Variants in RHCE observed in about 807,000 individuals in gnomAD.
RHCE encodes the protein blood group Rh(CE) polypeptide.
In RHCE, 22 loss-of-function variants were observed where a neutral mutation model predicts 43.8. That is an observed-to-expected ratio of 0.50 (90% CI 0.36 to 0.72). The LOEUF is 0.72. Among genes scored for constraint, RHCE ranks in the 30% least tolerant of loss-of-function variants. RHCE has a pLI of 0.00. For synonymous variants in RHCE, 156 were observed against 210.7 expected, an observed-to-expected ratio of 0.74 and a Z score of 2.25; for missense variants, 385 against 525.4, an observed-to-expected ratio of 0.73 and a Z score of 2.61.
Position 25,397,111 on chromosome 1 carries a change from CAAAAAAA to C in RHCE, c.487-4977_487-4971del, listed in dbSNP as rs151106139. On this transcript the variant is annotated intron_variant, in intron 3 of 9. Transcript: ENST00000294413. Reference sequence around the variant, plus strand: ...TGGGTGATGGAGCAAGACTCTGTCTCAAAAAAAAAAAAAAAAAAAAAAGAAATGTACA... The same window carrying C: ...TGGGTGATGGAGCAAGACTCTGTCTCAAAAAAAAAAAAAAAGAAATGTACA... Among the ~76,000 whole-genome samples the C allele has an allele frequency of 1.6e-3, 93 of 58,026 alleles. 6 individuals are homozygous for C. Among genetic ancestry groups the C allele is most frequent in the African/African-American group, 7.4e-3 (89 of 11,986 alleles). The allele number at this position is 58,026 out of a possible 152,430, so 38.1% of individuals were successfully genotyped here. A position where few individuals can be genotyped will look rare whatever the true frequency, so the allele number is the denominator to read the frequency against.
chr1:25,386,837 AACAAAACACAC>A (rs1214455521), intron 6 of RHCE, among the ~76,000 whole-genome samples: 2 of 135,182 alleles, frequency 1.5e-5, no homozygotes, highest in Non-Finnish European at 3.2e-5. Context: ...CAACAACAAC[AACAAAACACAC>A]ACACACACAC....
exon 2 of RHCE, chr1:25,429,034 C>A (rs552219484): frequency 6.6e-5 from 10 of 152,322 alleles, no homozygotes; most frequent in African/African-American, 1.9e-4. Context: ...GTTTTCTCTT[C>A]CAGGCACTGG....
At chr1:25,381,817 C>CA (rs1235518446) in intron 7 of RHCE, among the ~76,000 whole-genome samples, 2 of 150,570 alleles carry the variant, frequency 1.3e-5, no homozygotes, top group Non-Finnish European at 2.9e-5. Flanking sequence ...ACTCTTCCAA[C>CA]CTATTCCCAT....
intron 3 of RHCE, among the ~76,000 whole-genome samples, chr1:25,401,024 G>A (rs1375781634): frequency 6.6e-6 from 1 of 152,040 alleles, no homozygotes; most frequent in African/African-American, 2.4e-5. Flanking sequence ...TTCCTCTCTT[G>A]CCCCTTCAGT....
At chr1:25,393,458 T>C (rs1313681563) in intron 3 of RHCE, among the ~76,000 whole-genome samples, 2 of 152,018 alleles carry the variant, frequency 1.3e-5, no homozygotes, top group Non-Finnish European at 2.9e-5. Context: ...CTGTCTCTAC[T>C]AAAAATACAA....
At chr1:25,376,639 G>T (rs1049373906) in intron 7 of RHCE, among the ~76,000 whole-genome samples, 1 of 152,208 alleles carries the variant, frequency 6.6e-6, no homozygotes, top group African/African-American at 2.4e-5. Flanking sequence ...TTAAGGCCGG[G>T]TGTGGTGGCT....
chr1:25,429,233 T>TTTTG (rs2042830435), intron 1 of RHCE, among the ~76,000 whole-genome samples: 1 of 149,902 alleles, frequency 6.7e-6, no homozygotes, highest in African/African-American at 2.5e-5. Flanking sequence ...TTTTTTTTTT[T>TTTTG]TTTTTTTTTT....
At chr1:25,382,640 A>C (rs1402383007) in intron 7 of RHCE, among the ~76,000 whole-genome samples, 1 of 151,998 alleles carries the variant, frequency 6.6e-6, no homozygotes, top group Non-Finnish European at 1.5e-5. Context: ...ACATGTCCTC[A>C]CAGCAGCCCT....
rs1274333044 is a variant in RHCE at position 25,406,005 on chromosome 1, A to G, written c.335+2678T>C. On this transcript the variant is annotated intron_variant, in intron 2 of 9. Transcript: ENST00000294413. Reference sequence around the variant, plus strand: ...AGGGGTGGAGCAAGGGAGTTCACTCAGGCTGCGAGTGACTTCTCTCCCTTC... The same window carrying G: ...AGGGGTGGAGCAAGGGAGTTCACTCGGGCTGCGAGTGACTTCTCTCCCTTC... 1.1e-4 allele frequency among the ~76,000 whole-genome samples: 13 copies of G among 123,320 alleles called. 1 individual carries two copies. The highest frequency in any genetic ancestry group is 3.3e-4 in the African/African-American group (13 of 39,762). The allele number at this position is 123,320 out of a possible 152,430, so 80.9% of individuals were successfully genotyped here. A position where few individuals can be genotyped will look rare whatever the true frequency, so the allele number is the denominator to read the frequency against.
chr1:25,424,424 G>A (rs2042789998), upstream of RHCE, among the ~76,000 whole-genome samples: 1 of 151,662 alleles, frequency 6.6e-6, no homozygotes, highest in Non-Finnish European at 1.5e-5. Flanking sequence ...TTTTGCTCTT[G>A]TTGCCCAGGC....
intron 1 of RHCE, among the ~76,000 whole-genome samples, chr1:25,418,578 C>T (rs1387377359): frequency 6.6e-6 from 1 of 152,238 alleles, no homozygotes; most frequent in Non-Finnish European, 1.5e-5. Flanking sequence ...GCTGGGATTA[C>T]AGGTGTCAGC....
chr1:25,425,150 G>C (rs28529037), upstream of RHCE, among the ~76,000 whole-genome samples: 11,056 of 152,224 alleles, frequency 0.073, 1,291 homozygotes, highest in African/African-American at 0.25. Flanking sequence ...TCCCCTATGA[G>C]AATCTGAGCA....
At chr1:25,393,060 A>G (rs1027540989) in intron 3 of RHCE, among the ~76,000 whole-genome samples, 2 of 152,204 alleles carry the variant, frequency 1.3e-5, no homozygotes, top group African/African-American at 4.8e-5. Context: ...TTCTAGATAT[A>G]TTCTAATTTT....
At chr1:25,415,687 C>G (rs1394548546) in intron 1 of RHCE, among the ~76,000 whole-genome samples, 2 of 151,988 alleles carry the variant, frequency 1.3e-5, no homozygotes, top group African/African-American at 4.8e-5. Flanking sequence ...AGCTAATACT[C>G]TTTATGTGTG....
chr1:25,400,995 T>C (rs585488), intron 3 of RHCE, among the ~76,000 whole-genome samples: 92,081 of 151,962 alleles, frequency 0.61, 29,853 homozygotes, highest in African/African-American at 0.84. Context: ...CCATCACTGC[T>C]GCTCTGGTCT....
chr1:25,378,293 C>G (rs1358953157), intron 7 of RHCE, among the ~76,000 whole-genome samples: 7 of 152,154 alleles, frequency 4.6e-5, no homozygotes, highest in African/African-American at 1.4e-4. Context: ...CTGTATAACT[C>G]AACAATTTCA....
At chr1:25,411,649 G>C (rs913030131) in intron 1 of RHCE, among the ~76,000 whole-genome samples, 6 of 152,190 alleles carry the variant, frequency 3.9e-5, no homozygotes, top group Non-Finnish European at 8.8e-5. Flanking sequence ...CAAGGAGGGA[G>C]GTGCAGGGAA....
rs2375327 is a variant in RHCE at position 25,389,773 on chromosome 1, C to G, written c.802-660G>C. On this transcript the variant is annotated intron_variant, in intron 5 of 9. Coordinates refer to ENST00000294413, the MANE Select transcript of RHCE (RefSeq NM_020485.8). ...CCACCCTGTGTGACTGGTCCCAGTT[C>G]CAATAAGCTGGGCCTTGTTCCTGGG... 9.2e-5 allele frequency among the ~76,000 whole-genome samples: 14 copies of G among 152,100 alleles called. 1 individual carries two copies. The highest frequency in any genetic ancestry group is 1.0e-4 in the Non-Finnish European group (7 of 68,028).
intron 2 of RHCE, among the ~76,000 whole-genome samples, chr1:25,407,970 G>A (rs1646966209): frequency 8.1e-6 from 1 of 123,656 alleles, no homozygotes; most frequent in African/African-American, 2.5e-5. Context: ...GCTTTAGGGG[G>A]CTGAAAGTCC....
Sources: allele counts gnomAD v4.1 joint callset (sites outside exome capture counted in the v4.1 genomes callset), GRCh38; gene constraint gnomAD v4.1.1; transcripts MANE v1.5; gene names NCBI Gene and HGNC (gene_info 2026-07-23, HGNC 2026-07-21).